NYAP2: variants seen among roughly 807,000 people sequenced by gnomAD.
NYAP2 encodes neuronal tyrosine-phosphorylated phosphoinositide-3-kinase adaptor 2.
A neutral mutation model predicts 50.4 loss-of-function variants in NYAP2; 23 were observed. That is an observed-to-expected ratio of 0.46 (90% CI 0.33 to 0.65). NYAP2 has a LOEUF of 0.65. Among genes scored for constraint, NYAP2 ranks in the 30% least tolerant of loss-of-function variants. The probability of loss-of-function intolerance (pLI) is 0.02; values close to 1 mark genes in which losing one functional copy is unlikely to be tolerated. For missense variants in NYAP2, 885 were observed against 861.0 expected, an observed-to-expected ratio of 1.03 and a Z score of -0.35; for synonymous variants, 394 against 365.2, an observed-to-expected ratio of 1.08 and a Z score of -0.90.
intron 3 of NYAP2, among the ~76,000 whole-genome samples, chr2:225,418,458 G>A (rs1245744480): frequency 6.6e-6 from 1 of 152,084 alleles, no homozygotes; most frequent in Non-Finnish European, 1.5e-5. Flanking sequence ...ATGTTGGCTG[G>A]GACCAGAGCA....
intron 3 of NYAP2, among the ~76,000 whole-genome samples, chr2:225,451,887 A>G (rs1468881351): frequency 6.6e-6 from 1 of 152,142 alleles, no homozygotes; most frequent in African/African-American, 2.4e-5. Context: ...TGATCCTGTC[A>G]ATAACTGTAC....
intron 5 of NYAP2, among the ~76,000 whole-genome samples, chr2:225,611,945 C>A: frequency 6.8e-6 from 1 of 145,986 alleles, no homozygotes. Flanking sequence ...CACACTTTTC[C>A]TCACTTGTCT....
chr2:225,657,863 G>A (rs1693852908), downstream of NYAP2, among the ~76,000 whole-genome samples: 3 of 152,152 alleles, frequency 2.0e-5, no homozygotes. Context: ...AAGCAGTGCT[G>A]GGAATGAGAT....
intron 3 of NYAP2, among the ~76,000 whole-genome samples, chr2:225,503,380 A>G (rs973871678): frequency 1.3e-5 from 2 of 152,224 alleles, no homozygotes; most frequent in African/African-American, 4.8e-5. Context: ...ATGTATAGAA[A>G]TGAGGAATGT....
At chr2:225,598,458 G>C (rs993342875) in intron 5 of NYAP2, among the ~76,000 whole-genome samples, 1 of 152,122 alleles carries the variant, frequency 6.6e-6, no homozygotes, top group Non-Finnish European at 1.5e-5. Context: ...ATGGAAGACT[G>C]TTAAAAAATA....
intron 2 of NYAP2, among the ~76,000 whole-genome samples, chr2:225,401,653 T>G (rs1273072342): frequency 1.3e-5 from 2 of 152,090 alleles, no homozygotes; most frequent in Non-Finnish European, 2.9e-5. Context: ...TAGGTGGACT[T>G]GTTTTACTTG....
chr2:225,520,225 C>T (rs531458095), intron 4 of NYAP2, among the ~76,000 whole-genome samples: 2,483 of 152,100 alleles, frequency 0.016, 72 homozygotes, highest in African/African-American at 0.057. Context: ...TGTAGGTTGC[C>T]TGTTCACTCT....
chr2:225,636,483 CTT>C (rs5839116), intron 6 of NYAP2, among the ~76,000 whole-genome samples: 3,238 of 146,022 alleles, frequency 0.022, 109 homozygotes, highest in African/African-American at 0.073. Context: ...AATGTGCTTT[CTT>C]TTTTTTTTTT....
At chr2:225,424,990 A>T (rs1194419536) in intron 3 of NYAP2, among the ~76,000 whole-genome samples, 1 of 152,202 alleles carries the variant, frequency 6.6e-6, no homozygotes, top group Non-Finnish European at 1.5e-5. Context: ...GTCTAAACTG[A>T]CACATAATCA....
At chr2:225,451,848 A>G (rs1421168024) in intron 3 of NYAP2, among the ~76,000 whole-genome samples, 2 of 152,126 alleles carry the variant, frequency 1.3e-5, no homozygotes, top group African/African-American at 4.8e-5. Context: ...TAAACCATTC[A>G]CTCTTGAATT....
intron 6 of NYAP2, among the ~76,000 whole-genome samples, chr2:225,641,702 A>G (rs1693537719): frequency 6.6e-6 from 1 of 152,014 alleles, no homozygotes; most frequent in Admixed American, 6.6e-5. Context: ...AATCCCAGCT[A>G]CTCAGGAGGC....
At chr2:225,661,225 A>G in the NYAP2 span, among the ~76,000 whole-genome samples, 12 of 152,354 alleles carry the variant, frequency 7.9e-5, no homozygotes, top group South Asian at 2.1e-3. Context: ...CATTAGGAAT[A>G]AATGTTTACA....
At chr2:225,571,958 A>G (rs1189772879) in intron 4 of NYAP2, among the ~76,000 whole-genome samples, 1 of 152,114 alleles carries the variant, frequency 6.6e-6, no homozygotes, top group African/African-American at 2.4e-5. Flanking sequence ...CATCTCTCTC[A>G]AGTTCAAAGT....
At chr2:225,523,148 C>T (rs186047183) in intron 4 of NYAP2, among the ~76,000 whole-genome samples, 27 of 152,148 alleles carry the variant, frequency 1.8e-4, no homozygotes, top group African/African-American at 6.5e-4. Context: ...TTTCTCAGTT[C>T]CTAGTGCAGA....
chr2:225,582,938 C>G lies in NYAP2; in HGVS notation c.1521C>G (p.Pro507=). The G allele has an allele frequency of 4.3e-6, 7 of 1,612,696 alleles. No homozygotes were observed. The highest frequency in any genetic ancestry group is 5.9e-6 in the Non-Finnish European group (7 of 1,179,782). Residue 507 remains proline, a synonymous_variant, in exon 5 of 7, where the codon CCC becomes CCG. Coordinates refer to ENST00000636099, the Ensembl canonical transcript of NYAP2. This position sits in a 1 kb window ranked among gnomAD's most constrained non-coding sequence, Gnocchi z 7.0. ...CGGGTGGCTCCCGGTCCCGGACACC[C>G]ACGAGCCCGCTGGAGGAGCTGACCA...
intron 5 of NYAP2, among the ~76,000 whole-genome samples, chr2:225,597,512 AAT>A: frequency 0.064 from 2,947 of 46,208 alleles, 746 homozygotes; most frequent in Non-Finnish European, 0.084. Context: ...TCCAAGGAGA[AAT>A]ATATATATAT....
chr2:225,692,465 A>G, the NYAP2 span, among the ~76,000 whole-genome samples: 14 of 152,102 alleles, frequency 9.2e-5, no homozygotes, highest in Admixed American at 1.3e-4. Context: ...CTCCTTATGC[A>G]TTGAAGGATC....
chr2:225,622,557 CTTTTTCTTT>C (rs1693132486), intron 5 of NYAP2, among the ~76,000 whole-genome samples: 3 of 48,664 alleles, frequency 6.2e-5, no homozygotes, highest in African/African-American at 2.8e-4. Flanking sequence ...TTCTTTCTTT[CTTTTTCTTT>C]CTTTCTTTCT....
the NYAP2 span, chr2:225,700,794 G>A: frequency 4.6e-5 from 7 of 151,670 alleles, no homozygotes; most frequent in Admixed American, 4.0e-4. Context: ...TTTCAGATGC[G>A]TATCTTTCCC....
Sources: gnomAD v4.1 joint callset for allele counts (sites outside exome capture counted in the v4.1 genomes callset) on GRCh38, gnomAD v4.1.1 for gene constraint, Gnocchi (gnomAD v3.1) non-coding constraint, MANE v1.5 for transcripts, NCBI Gene and HGNC (gene_info 2026-07-23, HGNC 2026-07-21) for gene names.